The following NKD1 variants were observed in gnomAD, a reference collection of about 807,000 sequenced individuals.
NKD1 encodes the protein NKD inhibitor of Wnt signaling pathway 1.
NKD1 carries 21 observed loss-of-function variants against 56.0 expected under a neutral mutation model. The ratio of observed to expected loss-of-function variants is 0.38; its 90% CI spans 0.27 to 0.54. The LOEUF (loss-of-function observed/expected upper bound fraction) is 0.54, where lower values mean the gene tolerates loss of function less well. NKD1 is among the 20% of genes least tolerant of loss of function. The pLI is 0.82. For missense variants in NKD1, 578 were observed against 642.7 expected (o/e 0.90, Z 1.09); for synonymous variants, 263 against 265.7 (o/e 0.99, Z 0.10).
chr16:50,612,029 C>T (rs1409514431), intron 4 of NKD1, among the ~76,000 whole-genome samples: 1 of 152,152 alleles, frequency 6.6e-6, no homozygotes, highest in Non-Finnish European at 1.5e-5. Context: ...TTCTTTAATC[C>T]TGTTAGAATC....
chr16:50,620,712 C>G (rs759188536), intron 4 of NKD1, among the ~76,000 whole-genome samples: 2 of 152,154 alleles, frequency 1.3e-5, no homozygotes, highest in Non-Finnish European at 2.9e-5. Flanking sequence ...ATGGGACATT[C>G]CAAGAATTGA....
intron 3 of NKD1, chr16:50,574,059 C>T (rs1398876625): frequency 1.2e-6 from 1 of 847,542 alleles, no homozygotes; most frequent in African/African-American, 1.8e-5. Flanking sequence ...AATAGTCTCA[C>T]TCCCGTTTTA....
intron 3 of NKD1, among the ~76,000 whole-genome samples, chr16:50,600,353 G>T (rs1229680824): frequency 2.6e-5 from 4 of 151,912 alleles, no homozygotes; most frequent in African/African-American, 9.7e-5. Context: ...TGTGTCGGTG[G>T]GAGTCGCAGA....
In NKD1 at chr16:50,621,716, TC is replaced by T. The variant is rs1260789063; in HGVS notation, c.366+10del. On this transcript the variant is annotated intron_variant, in intron 5 of 9. Transcript: ENST00000268459. ...AAGCAGCTGAAGTTTGAAGTAAGTTTCCTTTTGGTGCTGGGTCCTGAGGAGA... is the reference window on the plus strand; with the variant it reads ...AAGCAGCTGAAGTTTGAAGTAAGTTTCTTTTGGTGCTGGGTCCTGAGGAGA... The T allele has an allele frequency of 1.3e-5, 21 of 1,608,552 alleles. No homozygotes were observed. The highest frequency in any genetic ancestry group is 1.8e-5 in the Non-Finnish European group (21 of 1,175,710).
chr16:50,616,382 G>A (rs1163349008), intron 4 of NKD1, among the ~76,000 whole-genome samples: 1 of 152,176 alleles, frequency 6.6e-6, no homozygotes, highest in Non-Finnish European at 1.5e-5. Flanking sequence ...TTTCTGGATT[G>A]TGTTAAGATA....
chr16:50,628,999 A>C (rs1228833687), intron 6 of NKD1, among the ~76,000 whole-genome samples: 1 of 145,122 alleles, frequency 6.9e-6, no homozygotes, highest in Non-Finnish European at 1.5e-5. Context: ...GGGATCTTGC[A>C]CTGTTGCCCA....
chr16:50,563,603 C>T (rs1166085067), intron 3 of NKD1, among the ~76,000 whole-genome samples: 1 of 149,628 alleles, frequency 6.7e-6, no homozygotes, highest in African/African-American at 2.5e-5. Flanking sequence ...GGGCACAGCC[C>T]TGGATGCATG....
rs1962733988 is a variant in NKD1 at position 50,649,237 on chromosome 16, A to C, written c.*15456A>C. The stretch of plus-strand genomic sequence containing the variant: ...ATTTATAATTATTTCAAAATAAAAA[A>C]ATTTTAAAAATAGTGGCGTTGCTCA... On this transcript the variant is annotated 3_prime_UTR_variant, in exon 10 of 10. Transcript: ENST00000268459. The C allele has an allele frequency of 6.6e-6, 1 of 152,178 alleles. No homozygotes were observed. Among genetic ancestry groups the C allele is most frequent in the Non-Finnish European group, 1.5e-5 (1 of 68,036 alleles). 9.4% of individuals were successfully genotyped at this position (152,178 alleles called of 1,614,324 possible). A position where few individuals can be genotyped will look rare whatever the true frequency, so the allele number is the denominator to read the frequency against.
chr16:50,581,696 G>A (rs1046209344), intron 3 of NKD1, among the ~76,000 whole-genome samples: 1 of 152,186 alleles, frequency 6.6e-6, no homozygotes, highest in South Asian at 2.1e-4. Flanking sequence ...GAGGCCCTGA[G>A]TACTTTTGGG....
At chr16:50,594,373 A>G (rs1225166188) in intron 3 of NKD1, among the ~76,000 whole-genome samples, 1 of 152,202 alleles carries the variant, frequency 6.6e-6, no homozygotes, top group East Asian at 1.9e-4. Flanking sequence ...GAATTCACCA[A>G]GTGGGTCAGG....
chr16:50,571,625 C>T, intron 3 of NKD1: 3 of 666,096 alleles, frequency 4.5e-6, no homozygotes, highest in Non-Finnish European at 5.6e-6. Context: ...CCCTTCCTTC[C>T]CTGCAGAGCT....
intron 3 of NKD1, among the ~76,000 whole-genome samples, chr16:50,588,362 C>T (rs944658958): frequency 2.0e-5 from 3 of 152,198 alleles, no homozygotes. Context: ...CTTGTCTGCC[C>T]TTGCAAATAA....
Position 50,630,280 on chromosome 16 carries a change from C to T in NKD1, c.557C>T (p.Thr186Ile), listed in dbSNP as rs772555818. 5 of 1,614,158 alleles carry T rather than the reference C, an allele frequency of 3.1e-6. No individual in the cohort carries two copies. The South Asian group carries it at 3.3e-5, about 11-fold the overall frequency. ...TSSKMLRVKL[T>I]VAPDGSQSKR... Reference sequence around the variant, plus strand: ...AGCAAGATGCTGCGGGTAAAGCTCACCGTGGCCCCCGATGGCAGCCAGAGC... The same window carrying T: ...AGCAAGATGCTGCGGGTAAAGCTCATCGTGGCCCCCGATGGCAGCCAGAGC... Residue 186 changes from threonine (T) to isoleucine (I), a missense_variant, in exon 7 of 10, where the codon ACC becomes ATC. By Grantham distance (89) the Thr-to-Ile change is moderately conservative (BLOSUM62 -1). Transcript: ENST00000268459.
intron 3 of NKD1, among the ~76,000 whole-genome samples, chr16:50,575,624 A>C (rs1280668130): frequency 6.6e-6 from 1 of 152,236 alleles, no homozygotes; most frequent in African/African-American, 2.4e-5. Context: ...GACTTAGCAG[A>C]GGGCTTGGTG....
intron 3 of NKD1, among the ~76,000 whole-genome samples, chr16:50,582,478 G>T (rs1961138214): frequency 6.6e-6 from 1 of 152,188 alleles, no homozygotes; most frequent in Non-Finnish European, 1.5e-5. Flanking sequence ...CTGTGTATGT[G>T]CAGGGAGAGG....
chr16:50,593,029 G>T (rs1961402684), intron 3 of NKD1, among the ~76,000 whole-genome samples: 1 of 152,092 alleles, frequency 6.6e-6, no homozygotes, highest in African/African-American at 2.4e-5. Context: ...GGAAACCAAG[G>T]CTCATGGAGA....
chr16:50,627,369 G>A (rs1208541349), intron 6 of NKD1, among the ~76,000 whole-genome samples: 1 of 152,140 alleles, frequency 6.6e-6, no homozygotes, highest in Non-Finnish European at 1.5e-5. Flanking sequence ...TTCAACCTGC[G>A]TTGTCCTTCA....
At chr16:50,631,720 A>G (rs1453308240) in intron 8 of NKD1, among the ~76,000 whole-genome samples, 1 of 152,174 alleles carries the variant, frequency 6.6e-6, no homozygotes, top group Admixed American at 6.5e-5. Context: ...TGCAGGGGAA[A>G]AAGAAAGCCT....
At chr16:50,574,194 A>T (rs1292848658) in intron 3 of NKD1, 1 of 984,176 alleles carries the variant, frequency 1.0e-6, no homozygotes, top group Non-Finnish European at 1.2e-6. Flanking sequence ...CCTCACCACT[A>T]CCTCTTCTGG....
Sources: allele counts gnomAD v4.1 joint callset (sites outside exome capture counted in the v4.1 genomes callset), GRCh38; gene constraint gnomAD v4.1.1; transcripts MANE v1.5; gene names NCBI Gene and HGNC (gene_info 2026-07-23, HGNC 2026-07-21).